SOHLH2: variants seen among roughly 807,000 people sequenced by gnomAD.
SOHLH2 encodes spermatogenesis and oogenesis specific basic helix-loop-helix 2, also known as spermatogenesis- and oogenesis-specific basic helix-loop-helix-containing protein 2.
SOHLH2 carries 22 observed loss-of-function variants against 50.4 expected under a neutral mutation model. The observed-to-expected ratio is 0.44, with a 90% CI of 0.31 to 0.62. The LOEUF is 0.62. Among genes scored for constraint, SOHLH2 ranks in the 20% least tolerant of loss-of-function variants. SOHLH2 has a pLI of 0.08. For missense variants in SOHLH2, 412 were observed against 504.4 expected, an observed-to-expected ratio of 0.82 and a Z score of 1.76; for synonymous variants, 185 against 187.3, an observed-to-expected ratio of 0.99 and a Z score of 0.10.
At chr13:36,182,961 TG>T (rs1398028559) in intron 6 of SOHLH2, 1 of 155,312 alleles carries the variant, frequency 6.4e-6, no homozygotes, top group African/African-American at 2.4e-5. Context: ...TGGTGGGAGG[TG>T]TTAAATCATG....
intron 6 of SOHLH2, among the ~76,000 whole-genome samples, chr13:36,187,307 G>T (rs188013973): frequency 0.02 from 2,969 of 152,056 alleles, 77 homozygotes; most frequent in African/African-American, 0.068. Context: ...GAAAAAACAA[G>T]GAATAAATGT....
At chr13:36,197,764 G>C (rs1225915415) in intron 2 of SOHLH2, among the ~76,000 whole-genome samples, 1 of 152,220 alleles carries the variant, frequency 6.6e-6, no homozygotes, top group African/African-American at 2.4e-5. Flanking sequence ...ATAGTGAAGA[G>C]TGGTGTGCCC....
intron 2 of SOHLH2, among the ~76,000 whole-genome samples, chr13:36,196,373 G>A (rs931469204): frequency 1.1e-4 from 16 of 151,994 alleles, no homozygotes; most frequent in Admixed American, 6.6e-4. Context: ...CAATCTTCCC[G>A]CTTCAACCTC....
Position 36,210,467 on chromosome 13 carries a change from G to A in SOHLH2, c.48+4012C>T, listed in dbSNP as rs545530849. Among the ~76,000 whole-genome samples the A allele has an allele frequency of 3.0e-4, 46 of 151,760 alleles. 1 individual carries two copies. The highest frequency in any genetic ancestry group is 1.1e-3 in the African/African-American group (45 of 41,358). ...TTTTTTTTTTAACGTTCAGAGAGAA[G>A]TTGCTTTGTTCAAACCAAGATCCCA... On this transcript the variant is annotated intron_variant, in intron 1 of 10. Transcript: ENST00000379881.
intron 6 of SOHLH2, among the ~76,000 whole-genome samples, chr13:36,179,008 A>C (rs537943829): frequency 6.6e-6 from 1 of 152,202 alleles, no homozygotes; most frequent in South Asian, 2.1e-4. Context: ...TGTTTTGTAA[A>C]CGTCTTAGGA....
At chr13:36,176,952 G>A (rs531216653) in intron 6 of SOHLH2, among the ~76,000 whole-genome samples, 1 of 152,112 alleles carries the variant, frequency 6.6e-6, no homozygotes, top group African/African-American at 2.4e-5. Flanking sequence ...CCCATTCTAT[G>A]AGTTTGGACA....
rs1328639 is a variant in SOHLH2 at position 36,175,730 on chromosome 13, T to C, written c.642-861A>G. Among the ~76,000 whole-genome samples the C allele has an allele frequency of 9.9e-3, 1,512 of 152,262 alleles. 32 individuals are homozygous for C. The highest frequency in any genetic ancestry group is 0.035 in the African/African-American group (1,453 of 41,548). ...AGAGAAATTATATTTAAAAACCTAG[T>C]TTGACATACGGCCAATGAATAACTC... is the stretch of plus-strand genomic sequence containing the variant. On this transcript the variant is annotated intron_variant, in intron 6 of 10. Coordinates refer to ENST00000379881, the MANE Select transcript of SOHLH2 (RefSeq NM_017826.3).
chr13:36,186,983 G>C (rs1887439180), intron 6 of SOHLH2, among the ~76,000 whole-genome samples: 1 of 152,124 alleles, frequency 6.6e-6, no homozygotes. Flanking sequence ...TCACAGGCAT[G>C]GTCAGAAGGG....
chr13:36,209,400 C>T (rs762135852), intron 1 of SOHLH2, among the ~76,000 whole-genome samples: 6 of 151,820 alleles, frequency 4.0e-5, no homozygotes, highest in African/African-American at 1.5e-4. Context: ...AACTGAGTGG[C>T]TTATAAACAA....
intron 4 of SOHLH2, among the ~76,000 whole-genome samples, chr13:36,192,390 A>G (rs902166480): frequency 1.3e-5 from 2 of 152,190 alleles, no homozygotes; most frequent in African/African-American, 4.8e-5. Flanking sequence ...CAGCTGCTCT[A>G]TTTCACTGAG....
chr13:36,200,323 GTAGA>G (rs1229154851), intron 2 of SOHLH2, among the ~76,000 whole-genome samples: 5 of 152,166 alleles, frequency 3.3e-5, no homozygotes, highest in African/African-American at 1.2e-4. Flanking sequence ...TCACTTTGAG[GTAGA>G]TAGTTTGCCT....
intron 2 of SOHLH2, among the ~76,000 whole-genome samples, chr13:36,197,632 C>T (rs1887773470): frequency 6.6e-6 from 1 of 152,180 alleles, no homozygotes; most frequent in Non-Finnish European, 1.5e-5. Flanking sequence ...AGTACAGTTA[C>T]CCACTATTCT....
chr13:36,211,214 AAAG>A (rs1869100479), intron 1 of SOHLH2, among the ~76,000 whole-genome samples: 1 of 152,248 alleles, frequency 6.6e-6, no homozygotes, highest in African/African-American at 2.4e-5. Flanking sequence ...TTTGAGAATG[AAAG>A]GAGGTGCCAT....
chr13:36,202,788 G>C (rs754745918), intron 1 of SOHLH2, among the ~76,000 whole-genome samples: 1 of 152,210 alleles, frequency 6.6e-6, no homozygotes, highest in Admixed American at 6.5e-5. Flanking sequence ...AATTGGAAAT[G>C]CCAGGCCATA....
intron 5 of SOHLH2, among the ~76,000 whole-genome samples, chr13:36,191,046 TC>T (rs1887557453): frequency 6.6e-6 from 1 of 152,132 alleles, no homozygotes; most frequent in South Asian, 2.1e-4. Context: ...ATTCTTTGTA[TC>T]CCTAGGCTCT....
intron 2 of SOHLH2, among the ~76,000 whole-genome samples, chr13:36,197,363 G>C (rs901361400): frequency 6.6e-6 from 1 of 152,120 alleles, no homozygotes; most frequent in African/African-American, 2.4e-5. Flanking sequence ...CCCACCCACT[G>C]TCTTGCCCCC....
At chr13:36,189,082 T>C (rs1887504795) in intron 6 of SOHLH2, among the ~76,000 whole-genome samples, 1 of 152,176 alleles carries the variant, frequency 6.6e-6, no homozygotes. Context: ...TCACTTATCC[T>C]TAGCCATGCT....
At chr13:36,171,580 C>T (rs1460434760) in intron 9 of SOHLH2, among the ~76,000 whole-genome samples, 2 of 152,186 alleles carry the variant, frequency 1.3e-5, no homozygotes, top group Non-Finnish European at 2.9e-5. Flanking sequence ...CCTATACATA[C>T]ATTCACGTTC....
At position 36,196,987 on chromosome 13, in the gene SOHLH2, A is replaced by T. The variant is rs552406861; in HGVS notation, c.264-3120T>A. Reference sequence around the variant, plus strand: ...GCTAAAAGAGTTTCTAGTTTCTAGGATCAACCAGAAAATGTTCTCTTTTTT... The same window carrying T: ...GCTAAAAGAGTTTCTAGTTTCTAGGTTCAACCAGAAAATGTTCTCTTTTTT... On this transcript the variant is annotated intron_variant, in intron 2 of 10. Transcript: ENST00000379881. 2.0e-5 allele frequency among the ~76,000 whole-genome samples: 3 copies of T among 152,334 alleles called. No individual in the cohort carries two copies. In the South Asian group the frequency reaches 6.2e-4, roughly 32 times the overall value.
Sources: gnomAD v4.1 joint callset for allele counts (sites outside exome capture counted in the v4.1 genomes callset) on GRCh38, gnomAD v4.1.1 for gene constraint, MANE v1.5 for transcripts, NCBI Gene and HGNC (gene_info 2026-07-23, HGNC 2026-07-21) for gene names.